CNTNAP3B: variants seen among roughly 807,000 people sequenced by gnomAD.
CNTNAP3B encodes the protein contactin-associated protein-like 3B.
Under a neutral mutation model 108.9 loss-of-function variants are expected in CNTNAP3B, and 25 were observed. The ratio of observed to expected loss-of-function variants is 0.23; its 90% CI spans 0.17 to 0.32. The LOEUF (loss-of-function observed/expected upper bound fraction) is 0.32. Ranked by LOEUF, CNTNAP3B falls within the 10% of genes least tolerant of loss-of-function variation. CNTNAP3B has a pLI of 1.00. For synonymous variants in CNTNAP3B, 103 were observed against 473.4 expected, an observed-to-expected ratio of 0.22 and a Z score of 10.16; for missense variants, 252 against 1,210.4, an observed-to-expected ratio of 0.21 and a Z score of 11.75.
At chr9:42,071,253 T>C (rs1344125031) in intron 3 of CNTNAP3B, among the ~76,000 whole-genome samples, 1 of 146,950 alleles carries the variant, frequency 6.8e-6, no homozygotes, top group African/African-American at 2.6e-5. Flanking sequence ...CGTGTGTGTG[T>C]TCTATGCACA....
chr9:42,022,203 A>C (rs1165353920), intron 3 of CNTNAP3B, among the ~76,000 whole-genome samples: 1 of 105,346 alleles, frequency 9.5e-6, no homozygotes, highest in Non-Finnish European at 1.9e-5. Flanking sequence ...CTTTTGAGAT[A>C]TCCAGGTTTT....
At chr9:42,106,467 GA>G (rs1415330751) in intron 1 of CNTNAP3B, among the ~76,000 whole-genome samples, 3 of 118,192 alleles carry the variant, frequency 2.5e-5, no homozygotes, top group Non-Finnish European at 5.2e-5. Context: ...TACACAGCAA[GA>G]AGCCATTGAA....
At chr9:42,108,210 A>G (rs1828120616) in intron 1 of CNTNAP3B, among the ~76,000 whole-genome samples, 1 of 134,050 alleles carries the variant, frequency 7.5e-6, no homozygotes, top group Non-Finnish European at 1.6e-5. Flanking sequence ...AATCTGGTTA[A>G]GATTCACTAT....
At chr9:42,113,894 A>T (rs1298501141) in intron 1 of CNTNAP3B, among the ~76,000 whole-genome samples, 4 of 139,304 alleles carry the variant, frequency 2.9e-5, no homozygotes, top group Non-Finnish European at 4.6e-5. Flanking sequence ...GTATCAAAAC[A>T]TCTCATGTAG....
chr9:42,118,509 T>C (rs1828375479), intron 1 of CNTNAP3B, among the ~76,000 whole-genome samples: 1 of 134,086 alleles, frequency 7.5e-6, no homozygotes, highest in Non-Finnish European at 1.6e-5. Context: ...ACAAATTAGG[T>C]ATTGATGGCA....
intron 14 of CNTNAP3B, among the ~76,000 whole-genome samples, chr9:41,934,826 C>T (rs1341401938): frequency 2.6e-5 from 4 of 152,376 alleles, no homozygotes; most frequent in South Asian, 2.1e-4. Context: ...AGAGTTTACT[C>T]GTATTTATTA....
rs1290357577 is a variant in CNTNAP3B, at chr9:42,108,096, C to T, written c.86-3357G>A. The stretch of plus-strand genomic sequence containing the variant: ...TCATTTTGAATTCTGTGAACACTTT[C>T]TTTCTAGAAAGAATTGTACACTACT... On this transcript the variant is annotated intron_variant, in intron 1 of 23. Transcript: ENST00000377561. 4.3e-5 allele frequency among the ~76,000 whole-genome samples: 6 copies of T among 139,074 alleles called. No homozygotes were observed. The South Asian group carries it at 1.4e-3, about 32-fold the overall frequency. The allele number at this position is 139,074 out of a possible 152,430, so 91.2% of individuals were successfully genotyped here. A position where few individuals can be genotyped will look rare whatever the true frequency, so the allele number is the denominator to read the frequency against.
chr9:41,963,396 G>T (rs1477041683), intron 11 of CNTNAP3B, among the ~76,000 whole-genome samples: 6 of 151,374 alleles, frequency 4.0e-5, no homozygotes, highest in Non-Finnish European at 7.4e-5. Context: ...GAAAAAAAAG[G>T]CTTTTCAGAT....
intron 8 of CNTNAP3B, among the ~76,000 whole-genome samples, chr9:41,990,887 C>G (rs889067884): frequency 7.2e-6 from 1 of 139,334 alleles, no homozygotes; most frequent in Non-Finnish European, 1.5e-5. Flanking sequence ...ATTTGCCCAA[C>G]AAAAACAGGC....
intron 14 of CNTNAP3B, among the ~76,000 whole-genome samples, chr9:41,935,212 C>G (rs1306082953): frequency 6.6e-6 from 1 of 152,278 alleles, no homozygotes; most frequent in Admixed American, 6.5e-5. Context: ...TCTTACTGTG[C>G]CTGAGGAACT....
chr9:41,957,875 C>T (rs1376012599), intron 12 of CNTNAP3B, among the ~76,000 whole-genome samples: 1 of 152,266 alleles, frequency 6.6e-6, no homozygotes, highest in African/African-American at 2.4e-5. Context: ...ATTCTTCCTT[C>T]TCAGCCTCCC....
At chr9:41,894,264 C>G (rs1823382100) in intron 23 of CNTNAP3B, among the ~76,000 whole-genome samples, 154 bp from the exon 24 acceptor site, 1 of 121,126 alleles carries the variant, frequency 8.3e-6, no homozygotes, top group Non-Finnish European at 1.7e-5. Flanking sequence ...TAGGCCCACT[C>G]CACCGTTCAG....
Position 42,089,826 on chromosome 9 carries a change from T to C in CNTNAP3B, c.197-12764A>G, listed in dbSNP as rs1387607289. The stretch of plus-strand genomic sequence containing the variant: ...CAGGTTTCTAAATTATCCTTGTCTA[T>C]GAAATTCATTCCCATACACCAACGT... On this transcript the variant is annotated intron_variant, in intron 2 of 23. Coordinates refer to ENST00000377561, the MANE Select transcript of CNTNAP3B (RefSeq NM_001201380.3). Among the ~76,000 whole-genome samples, 939 of 137,168 alleles carry C rather than the reference T, an allele frequency of 6.8e-3. 10 individuals carry two copies. The highest frequency in any genetic ancestry group is 0.027 in the African/African-American group (880 of 32,698). The allele number at this position is 137,168 out of a possible 152,430, so 90.0% of individuals were successfully genotyped here.
chr9:42,066,186 G>T (rs1212699273), intron 3 of CNTNAP3B, among the ~76,000 whole-genome samples: 1 of 136,912 alleles, frequency 7.3e-6, no homozygotes, highest in Admixed American at 7.3e-5. Flanking sequence ...CCATAAATGA[G>T]AATTTACACA....
chr9:41,927,096 G>T (rs1277261635), intron 15 of CNTNAP3B, among the ~76,000 whole-genome samples: 2 of 152,254 alleles, frequency 1.3e-5, no homozygotes, highest in Non-Finnish European at 2.9e-5. Context: ...AAACAGCACA[G>T]AGAATGGCCA....
At chr9:42,119,498 C>T (rs1421099754) in intron 1 of CNTNAP3B, among the ~76,000 whole-genome samples, 1 of 123,794 alleles carries the variant, frequency 8.1e-6, no homozygotes, top group Non-Finnish European at 1.7e-5. Context: ...TCATATGGAA[C>T]CAAAAAAGAG....
At chr9:42,041,309 C>T (rs1222262752) in intron 3 of CNTNAP3B, among the ~76,000 whole-genome samples, 1 of 147,216 alleles carries the variant, frequency 6.8e-6, no homozygotes, top group Non-Finnish European at 1.5e-5. Flanking sequence ...CAACCTACAA[C>T]ATGGGAGAAA....
At chr9:41,938,675 T>C (rs1824234413) in intron 13 of CNTNAP3B, among the ~76,000 whole-genome samples, 14 of 152,278 alleles carry the variant, frequency 9.2e-5, no homozygotes, top group Admixed American at 9.2e-4. Flanking sequence ...ATACTTTCTA[T>C]AGAAATAACA....
chr9:41,954,610 T>A (rs1473383447), intron 12 of CNTNAP3B, among the ~76,000 whole-genome samples: 1 of 152,288 alleles, frequency 6.6e-6, no homozygotes, highest in Non-Finnish European at 1.5e-5. Context: ...AGGCTCTAAG[T>A]GTGCCTATGG....
Sources: allele counts gnomAD v4.1 joint callset (sites outside exome capture counted in the v4.1 genomes callset), GRCh38; gene constraint gnomAD v4.1.1; transcripts MANE v1.5; gene names NCBI Gene and HGNC (gene_info 2026-07-23, HGNC 2026-07-21).